Variants in MLLT3 observed in about 807,000 individuals in gnomAD.
The protein encoded by MLLT3 is protein AF-9.
Under a neutral mutation model 53.2 loss-of-function variants are expected in MLLT3, and 4 were observed. The ratio of observed to expected loss-of-function variants is 0.08; its 90% CI spans 0.04 to 0.17. The LOEUF is 0.17. Ranked by LOEUF, MLLT3 falls within the 10% of genes least tolerant of loss-of-function variation. The pLI is 1.00. For synonymous variants in MLLT3, 283 were observed against 230.6 expected, an observed-to-expected ratio of 1.23 and a Z score of -2.06; for missense variants, 569 against 684.0, an observed-to-expected ratio of 0.83 and a Z score of 1.87.
intron 2 of MLLT3, among the ~76,000 whole-genome samples, chr9:20,495,620 G>A (rs765059403): frequency 3.3e-5 from 5 of 152,122 alleles, no homozygotes; most frequent in Non-Finnish European, 7.4e-5. Flanking sequence ...ACCGGAACTA[G>A]ATTTTTTAAT....
At chr9:20,554,525 A>C (rs976850293) in intron 2 of MLLT3, among the ~76,000 whole-genome samples, 3 of 152,220 alleles carry the variant, frequency 2.0e-5, no homozygotes, top group African/African-American at 4.8e-5. Context: ...TATAAGATGC[A>C]ATAAGAAAGA....
intron 4 of MLLT3, among the ~76,000 whole-genome samples, chr9:20,419,842 G>A (rs1009768881): frequency 6.6e-6 from 1 of 152,110 alleles, no homozygotes; most frequent in Non-Finnish European, 1.5e-5. Flanking sequence ...TTTATGTGTG[G>A]GAAGGGAAGA....
chr9:20,357,986 C>T (rs1439806562), intron 8 of MLLT3, among the ~76,000 whole-genome samples: 1 of 145,518 alleles, frequency 6.9e-6, no homozygotes, highest in Non-Finnish European at 1.5e-5. Context: ...CCTGCGCACA[C>T]ACACACACAC....
chr9:20,523,886 G>A (rs921623371), intron 2 of MLLT3, among the ~76,000 whole-genome samples: 3 of 151,752 alleles, frequency 2.0e-5, no homozygotes, highest in African/African-American at 4.8e-5. Flanking sequence ...TGGGAAGTTC[G>A]CTTGAGTTCA....
At chr9:20,582,108 A>G (rs1380079820) in intron 2 of MLLT3, among the ~76,000 whole-genome samples, 2 of 152,222 alleles carry the variant, frequency 1.3e-5, no homozygotes, top group East Asian at 1.9e-4. Context: ...AATTAAGCAG[A>G]AAGTACAGAG....
At chr9:20,567,294 C>A (rs1819401337) in intron 2 of MLLT3, among the ~76,000 whole-genome samples, 4 of 93,532 alleles carry the variant, frequency 4.3e-5, no homozygotes, top group Admixed American at 1.4e-4. Flanking sequence ...GAAAGTAGTA[C>A]TATATTCAGT....
At position 20,414,378 on chromosome 9, in the gene MLLT3, A is replaced by ACTG. The variant is rs373338988; in HGVS notation, c.465_467dup (p.Ser190dup). On this transcript the variant is annotated inframe_insertion, in exon 5 of 11. Transcript: ENST00000380338. ...TGCTGCTGCTGCTGCTGCTGCTGCT[A>ACTG]CTGCTGCTGCTGCTGCTGCTGCTGG... 1.0e-3 allele frequency: 1,405 copies of ACTG among 1,395,502 alleles called. 4 individuals carry two copies. The highest frequency in any genetic ancestry group is 1.1e-3 in the Non-Finnish European group (1,136 of 1,001,900). 86.4% of individuals were successfully genotyped at this position (1,395,502 alleles called of 1,614,324 possible). A position where few individuals can be genotyped will look rare whatever the true frequency, so the allele number is the denominator to read the frequency against.
intron 2 of MLLT3, among the ~76,000 whole-genome samples, chr9:20,483,610 T>C (rs181586336): frequency 6.6e-6 from 1 of 151,298 alleles, no homozygotes. Context: ...AAACTGTTAA[T>C]ACCATATTTT....
intron 5 of MLLT3, among the ~76,000 whole-genome samples, chr9:20,374,956 T>C (rs974875498): frequency 3.3e-5 from 5 of 152,330 alleles, no homozygotes; most frequent in East Asian, 3.9e-4. Flanking sequence ...CTTGATGGAA[T>C]TGGTATCCTT....
intron 5 of MLLT3, among the ~76,000 whole-genome samples, chr9:20,378,695 T>C (rs961746895): frequency 1.3e-5 from 2 of 152,124 alleles, no homozygotes; most frequent in African/African-American, 4.8e-5. Context: ...CTAAATGTGC[T>C]ATACTTACAT....
At chr9:20,541,534 C>G (rs1587047058) in intron 2 of MLLT3, among the ~76,000 whole-genome samples, 2 of 152,170 alleles carry the variant, frequency 1.3e-5, no homozygotes, top group African/African-American at 2.4e-5. Context: ...AGAGACAGCA[C>G]AAAGGAGGAC....
intron 5 of MLLT3, among the ~76,000 whole-genome samples, chr9:20,376,178 T>C (rs1232506970): frequency 1.3e-5 from 2 of 152,154 alleles, no homozygotes; most frequent in Admixed American, 6.5e-5. Context: ...GACACTAGAG[T>C]GCAACCTTTA....
chr9:20,521,458 A>G (rs553304964), intron 2 of MLLT3, among the ~76,000 whole-genome samples: 3,214 of 148,624 alleles, frequency 0.022, 114 homozygotes, highest in African/African-American at 0.072. Context: ...GTGTGTGTAT[A>G]TGTGTGTGTG....
At chr9:20,594,868 C>A (rs1820216208) in intron 2 of MLLT3, among the ~76,000 whole-genome samples, 2 of 152,096 alleles carry the variant, frequency 1.3e-5, no homozygotes, top group South Asian at 2.1e-4. Context: ...GGAGAGGAAC[C>A]CTCAGTTCCA....
chr9:20,596,728 G>A (rs1182349458), intron 2 of MLLT3, among the ~76,000 whole-genome samples: 1 of 152,038 alleles, frequency 6.6e-6, no homozygotes, highest in Non-Finnish European at 1.5e-5. Flanking sequence ...ATAATAAGCT[G>A]CTTGAAAACA....
intron 4 of MLLT3, among the ~76,000 whole-genome samples, chr9:20,421,492 T>C (rs1041595162): frequency 5.3e-5 from 8 of 152,032 alleles, no homozygotes; most frequent in African/African-American, 1.9e-4. Flanking sequence ...TGGGAAAAGA[T>C]CCACAAAACA....
intron 5 of MLLT3, among the ~76,000 whole-genome samples, chr9:20,372,454 G>C (rs1821630064): frequency 6.6e-6 from 1 of 151,792 alleles, no homozygotes; most frequent in Non-Finnish European, 1.5e-5. Context: ...CTGGAGTGCA[G>C]TGGCACCATC....
At chr9:20,570,557 C>T (rs181809413) in intron 2 of MLLT3, among the ~76,000 whole-genome samples, 1 of 152,024 alleles carries the variant, frequency 6.6e-6, no homozygotes, top group Non-Finnish European at 1.5e-5. Context: ...TCTATAACAA[C>T]AAAACAGATT....
rs1820971993 is a variant in MLLT3, at chr9:20,620,537, G to A, written c.193+117C>T. 5 of 871,024 alleles carry A rather than the reference G, an allele frequency of 5.7e-6. No individual in the cohort carries two copies. In the African/African-American group the frequency reaches 7.2e-5, roughly 12 times the overall value. The allele number at this position is 871,024 out of a possible 1,614,324, so 54.0% of individuals were successfully genotyped here. ...GCGCGGCGCCGCGCACCCGGATCCCGAGGCTACGCCGGCGAGCGCGGCGCG... is the reference window on the plus strand; with the variant it reads ...GCGCGGCGCCGCGCACCCGGATCCCAAGGCTACGCCGGCGAGCGCGGCGCG... On this transcript the variant is annotated intron_variant, in intron 2 of 10. Transcript: ENST00000380338. The surrounding 1 kb of genome is among the most constrained non-coding windows in gnomAD (Gnocchi z 6.1).
Sources: allele counts gnomAD v4.1 joint callset (sites outside exome capture counted in the v4.1 genomes callset), GRCh38; gene constraint gnomAD v4.1.1; non-coding constraint Gnocchi (gnomAD v3.1); transcripts MANE v1.5; gene names NCBI Gene and HGNC (gene_info 2026-07-23, HGNC 2026-07-21).